ULK2: variants seen among roughly 807,000 people sequenced by gnomAD.
ULK2 encodes the protein unc-51 like autophagy activating kinase 2.
In ULK2, 76 loss-of-function variants were observed where a neutral mutation model predicts 127.5. That is an observed-to-expected ratio of 0.60 (90% CI 0.50 to 0.72). The LOEUF (loss-of-function observed/expected upper bound fraction) is 0.72, where lower values mean the gene tolerates loss of function less well. ULK2 is among the 30% of genes least tolerant of loss of function. The probability of loss-of-function intolerance (pLI) is 0.00; values close to 1 mark genes in which losing one functional copy is unlikely to be tolerated. For missense variants in ULK2, 1,144 were observed against 1,295.9 expected, an observed-to-expected ratio of 0.88 and a Z score of 1.80; for synonymous variants, 452 against 461.9, an observed-to-expected ratio of 0.98 and a Z score of 0.28.
At chr17:19,855,467 G>A (rs2042106143) in intron 3 of ULK2, among the ~76,000 whole-genome samples, 1 of 150,620 alleles carries the variant, frequency 6.6e-6, no homozygotes, top group South Asian at 2.1e-4. Flanking sequence ...GGGTGTGGTA[G>A]CAGGTGCCTG....
intron 14 of ULK2, among the ~76,000 whole-genome samples, chr17:19,809,537 G>T (rs954391559): frequency 6.6e-6 from 1 of 151,368 alleles, no homozygotes; most frequent in African/African-American, 2.4e-5. Flanking sequence ...TTTGAGACCA[G>T]CCTGGCCAAC....
intron 6 of ULK2, among the ~76,000 whole-genome samples, chr17:19,846,061 G>A (rs1002021463): frequency 6.6e-5 from 10 of 152,348 alleles, no homozygotes; most frequent in African/African-American, 2.4e-4. Context: ...GGGAGGCAGA[G>A]GTTGTAGTGA....
At chr17:19,846,112 C>T (rs1030525555) in intron 6 of ULK2, among the ~76,000 whole-genome samples, 1 of 151,924 alleles carries the variant, frequency 6.6e-6, no homozygotes, top group African/African-American at 2.4e-5. Flanking sequence ...GGTGACAGAG[C>T]GAGACTCCAT....
At chr17:19,859,396 G>A (rs2042197376) in intron 3 of ULK2, among the ~76,000 whole-genome samples, 1 of 152,102 alleles carries the variant, frequency 6.6e-6, no homozygotes, top group Non-Finnish European at 1.5e-5. Flanking sequence ...GCAGGCACCT[G>A]TAATCCCAGC....
At chr17:19,843,301 G>A (rs1294681787) in intron 7 of ULK2, 79 bp from the exon 8 acceptor site, 5 of 917,966 alleles carry the variant, frequency 5.4e-6, no homozygotes, top group African/African-American at 1.7e-5. Context: ...ACTGGTAAAG[G>A]TGACACTTCT....
intron 20 of ULK2, among the ~76,000 whole-genome samples, chr17:19,793,591 G>C (rs1215035762): frequency 6.6e-6 from 1 of 152,120 alleles, no homozygotes; most frequent in African/African-American, 2.4e-5. Context: ...ACAGAGTTAG[G>C]CAAGGTCCAG....
intron 3 of ULK2, chr17:19,855,813 C>A (rs2042115070): frequency 6.6e-6 from 1 of 152,170 alleles, no homozygotes; most frequent in Non-Finnish European, 1.5e-5. Flanking sequence ...TCCATTGATA[C>A]CAACATTCTT....
chr17:19,787,942 T>C (rs188991752), intron 20 of ULK2, among the ~76,000 whole-genome samples: 203 of 152,304 alleles, frequency 1.3e-3, no homozygotes, highest in Non-Finnish European at 2.4e-3. Flanking sequence ...GATTGCACAT[T>C]GAACTCAGTG....
chr17:19,780,268 C>T (rs184520851), intron 25 of ULK2, among the ~76,000 whole-genome samples: 13 of 151,688 alleles, frequency 8.6e-5, no homozygotes, highest in African/African-American at 1.9e-4. Flanking sequence ...ATGTGGTAAA[C>T]GGATTTGTAA....
intron 3 of ULK2, among the ~76,000 whole-genome samples, chr17:19,863,496 G>GT (rs774471418): frequency 0.086 from 11,367 of 131,834 alleles, 650 homozygotes; most frequent in Middle Eastern, 0.14. Flanking sequence ...TGTGATTCTA[G>GT]TTTTTTTTTT....
At chr17:19,856,755 A>G (rs1340286026) in intron 3 of ULK2, among the ~76,000 whole-genome samples, 4 of 145,464 alleles carry the variant, frequency 2.7e-5, no homozygotes, top group South Asian at 2.2e-4. Flanking sequence ...GGCAGATCAC[A>G]AGGTCAGGAG....
intron 18 of ULK2, 52 bp downstream of exon 18, chr17:19,797,344 C>A: frequency 6.7e-7 from 1 of 1,500,848 alleles, no homozygotes; most frequent in South Asian, 1.3e-5. Context: ...TGAATCCTTT[C>A]CATAAAGTAC....
chr17:19,824,064 T>C lies in ULK2; in HGVS notation c.924+1030A>G, dbSNP rs546824344. Among the ~76,000 whole-genome samples, 105 of 152,340 alleles carry C rather than the reference T, an allele frequency of 6.9e-4. 1 individual carries two copies. Among genetic ancestry groups the C allele is most frequent in the African/African-American group, 2.4e-3 (99 of 41,588 alleles). On this transcript the variant is annotated intron_variant, in intron 12 of 26. Transcript: ENST00000395544. ...ACATACAAAAAAAAGGTGTCCTATA[T>C]GACAGGTAAGGTACATGGAGGCTGC... is the stretch of plus-strand genomic sequence containing the variant.
intron 3 of ULK2, among the ~76,000 whole-genome samples, chr17:19,861,769 C>T (rs1597826986): frequency 6.6e-6 from 1 of 152,200 alleles, no homozygotes; most frequent in Non-Finnish European, 1.5e-5. Flanking sequence ...CAACTAGGGA[C>T]TGAGAGATGA....
chr17:19,837,042 C>G (rs2041615718), intron 10 of ULK2, among the ~76,000 whole-genome samples: 2 of 151,536 alleles, frequency 1.3e-5, no homozygotes, highest in Admixed American at 1.3e-4. Flanking sequence ...GCTACGATCA[C>G]ACCACTGCAT....
chr17:19,840,013 C>T (rs2041701117), intron 9 of ULK2: 2 of 290,972 alleles, frequency 6.9e-6, no homozygotes, highest in Admixed American at 8.7e-5. Flanking sequence ...TTTGCAGTAA[C>T]CAAAAAAATG....
intron 20 of ULK2, among the ~76,000 whole-genome samples, chr17:19,790,563 A>G (rs945922712): frequency 2.6e-5 from 4 of 152,204 alleles, no homozygotes; most frequent in African/African-American, 9.7e-5. Flanking sequence ...CACCTTCACT[A>G]AAAGCAAGAA....
At chr17:19,859,831 C>T (rs2042205489) in intron 3 of ULK2, among the ~76,000 whole-genome samples, 2 of 152,126 alleles carry the variant, frequency 1.3e-5, no homozygotes, top group African/African-American at 4.8e-5. Flanking sequence ...AGGTATGCGC[C>T]ACCACATCTG....
At chr17:19,823,924 C>G (rs2041223786) in intron 12 of ULK2, among the ~76,000 whole-genome samples, 1 of 152,198 alleles carries the variant, frequency 6.6e-6, no homozygotes, top group Admixed American at 6.5e-5. Flanking sequence ...TCTGCTTTAC[C>G]TAACAGTTGC....
Sources: gnomAD v4.1 joint callset for allele counts (sites outside exome capture counted in the v4.1 genomes callset) on GRCh38, gnomAD v4.1.1 for gene constraint, MANE v1.5 for transcripts, NCBI Gene and HGNC (gene_info 2026-07-23, HGNC 2026-07-21) for gene names.